Variants in ATP5PD observed in about 807,000 individuals in gnomAD.
The protein encoded by ATP5PD is ATP synthase peripheral stalk subunit d.
A neutral mutation model predicts 22.6 loss-of-function variants in ATP5PD; 13 were observed. That is an observed-to-expected ratio of 0.58 (90% CI 0.37 to 0.91). ATP5PD has a LOEUF of 0.91. ATP5PD is among the 40% of genes least tolerant of loss of function. ATP5PD has a pLI of 0.00. For synonymous variants in ATP5PD, 51 were observed against 65.0 expected, an observed-to-expected ratio of 0.79 and a Z score of 1.03; for missense variants, 165 against 188.0, an observed-to-expected ratio of 0.88 and a Z score of 0.72.
intron 3 of ATP5PD, 91 bp downstream of exon 3, chr17:75,042,090 G>T: frequency 9.0e-7 from 1 of 1,114,028 alleles, no homozygotes; most frequent in Non-Finnish European, 1.3e-6. Flanking sequence ...TAGGGATCTG[G>T]CTGTCATGCT....
chr17:75,042,494 G>C (rs373552679), intron 2 of ATP5PD, 35 bp downstream of exon 2: 25 of 1,595,986 alleles, frequency 1.6e-5, no homozygotes, highest in Non-Finnish European at 2.0e-5. Flanking sequence ...AGATTCAGTG[G>C]CAAGTATGGG....
intron 1 of ATP5PD, among the ~76,000 whole-genome samples, chr17:75,043,602 ACT>A (rs1470562947): frequency 3.7e-5 from 5 of 135,570 alleles, no homozygotes; most frequent in African/African-American, 1.5e-4. Context: ...ACAGAGTGAG[ACT>A]CTGTCTCAAA....
chr17:75,040,044 G>T (rs374481275), intron 4 of ATP5PD, 48 bp downstream of exon 4: 1 of 1,599,210 alleles, frequency 6.3e-7, no homozygotes, highest in Admixed American at 1.7e-5. Flanking sequence ...ATAGAGAGCT[G>T]TCAAGATCAA....
At chr17:75,039,646 A>C (rs754036751) in intron 4 of ATP5PD, 2 of 282,220 alleles carry the variant, frequency 7.1e-6, no homozygotes, top group Non-Finnish European at 1.3e-5. Flanking sequence ...CAGTGCTTTC[A>C]AGCAAATAAT....
intron 3 of ATP5PD, chr17:75,040,964 A>G (rs1018923982): frequency 2.6e-5 from 4 of 152,026 alleles, no homozygotes; most frequent in African/African-American, 9.7e-5. Context: ...CCCTCCATAC[A>G]CATCTTTGAA....
In ATP5PD at chr17:75,039,248, C is replaced by G. The variant is rs745452010; in HGVS notation, c.315G>C (p.Val105=). Residue 105 remains valine (V), a synonymous_variant, in exon 5 of 6, where the codon GTG becomes GTC. Transcript: ENST00000301587. ...KEDVKSCAEW[V]SLSKARIVEY... The stretch of plus-strand genomic sequence containing the variant: ...CTACAATCCTGGCCTTTGAGAGAGA[C>G]ACCCACTCAGCACAAGATTTCACCT... The G allele has an allele frequency of 6.2e-7, 1 of 1,614,158 alleles. No individual in the cohort carries two copies. The highest frequency in any genetic ancestry group is 1.1e-5 in the South Asian group (1 of 91,076).
intron 3 of ATP5PD, 167 bp from the exon 4 acceptor site, chr17:75,040,330 A>G: frequency 5.7e-6 from 4 of 705,508 alleles, no homozygotes; most frequent in African/African-American, 1.8e-5. Context: ...ACGCATCTCA[A>G]TACTGGAGTA....
At chr17:75,046,519 C>T (rs1002433252) in intron 1 of ATP5PD, among the ~76,000 whole-genome samples, 4 of 152,240 alleles carry the variant, frequency 2.6e-5, no homozygotes, top group Non-Finnish European at 5.9e-5. Context: ...ACGCTCTATA[C>T]GTTCGAATCC....
intron 3 of ATP5PD, 158 bp from the exon 4 acceptor site, chr17:75,040,321 C>G: frequency 3.9e-6 from 3 of 778,946 alleles, no homozygotes; most frequent in Non-Finnish European, 6.6e-6. Context: ...GAAACGAATA[C>G]GCATCTCAAT....
intron 4 of ATP5PD, 24 bp from the exon 5 acceptor site, chr17:75,039,295 G>A (rs1409025186): frequency 3.1e-6 from 5 of 1,611,138 alleles, no homozygotes; most frequent in African/African-American, 1.3e-5. Flanking sequence ...GAGAAATTCA[G>A]TTCTGAAACC....
intron 1 of ATP5PD, among the ~76,000 whole-genome samples, chr17:75,043,622 A>AC: frequency 6.6e-6 from 1 of 151,938 alleles, no homozygotes; most frequent in African/African-American, 2.4e-5. Context: ...AAAAAAAAAA[A>AC]AAAAAACAAA....
At chr17:75,046,771 G>A (rs560794148) in intron 1 of ATP5PD, among the ~76,000 whole-genome samples, 154 bp downstream of exon 1, 1 of 152,114 alleles carries the variant, frequency 6.6e-6, no homozygotes, top group South Asian at 2.1e-4. Flanking sequence ...GCGGGGCGAG[G>A]AGCGGCAGCT....
In ATP5PD at chr17:75,040,572, T is replaced by G. The variant is rs531381006; in HGVS notation, c.220-409A>C. The G allele has an allele frequency of 2.9e-5, 6 of 210,314 alleles. No homozygotes were observed. The East Asian group carries it at 8.2e-4, about 29-fold the overall frequency. 13.0% of individuals were successfully genotyped at this position (210,314 alleles called of 1,614,324 possible). A position where few individuals can be genotyped will look rare whatever the true frequency, so the allele number is the denominator to read the frequency against. The stretch of plus-strand genomic sequence containing the variant: ...GACTGGTGGAAGGAGCACTGCGTAA[T>G]GAATGGTCTCCTTAGAAGACTGCTT... On this transcript the variant is annotated intron_variant, in intron 3 of 5. Coordinates refer to ENST00000301587, the MANE Select transcript of ATP5PD (RefSeq NM_006356.3).
intron 3 of ATP5PD, 59 bp from the exon 4 acceptor site, chr17:75,040,222 G>A: frequency 1.9e-6 from 3 of 1,605,042 alleles, no homozygotes; most frequent in South Asian, 2.2e-5. Context: ...CAAGGACAGT[G>A]AGTCGTCGCC....
chr17:75,046,455 C>T (rs2073217595), intron 1 of ATP5PD, among the ~76,000 whole-genome samples: 1 of 152,204 alleles, frequency 6.6e-6, no homozygotes, highest in African/African-American at 2.4e-5. Flanking sequence ...ATAGGAGGTG[C>T]TCAATGAATC....
rs1370583347 is a variant in ATP5PD at position 75,042,574 on chromosome 17, G to C, written c.77C>G (p.Ala26Gly). 1 of 1,612,910 alleles carries C rather than the reference G, an allele frequency of 6.2e-7. No homozygotes were observed. Among genetic ancestry groups the C allele is most frequent in the Admixed American group, 1.7e-5 (1 of 59,984 alleles). Residue 26 changes from alanine (A) to glycine (G), a missense_variant, in exon 2 of 6, where the codon GCC becomes GGC. Ala to Gly is a moderately conservative substitution (Grantham distance 60). Transcript: ENST00000301587. ...CCAGGATTTCAGGGAACTAGCAATG[G>C]CCTTTTGGTTCTGGGGTATGATCTC... ...FAEIIPQNQK[A>G]IASSLKSWNE...
Position 75,038,899 on chromosome 17 carries a change from T to A in ATP5PD, c.*33A>T, listed in dbSNP as rs2073128439. On this transcript the variant is annotated 3_prime_UTR_variant, in exon 6 of 6. Transcript: ENST00000301587. ...TATTTTTAATGTCCAGAATGTGTAA[T>A]ACAAGGGCCAGAGCTTCCTCCTGGA... 1 of 1,599,224 alleles carries A rather than the reference T, an allele frequency of 6.3e-7. No individual in the cohort carries two copies. The highest frequency in any genetic ancestry group is 1.1e-5 in the South Asian group (1 of 88,740).
chr17:75,042,002 G>C (rs2073166217), intron 3 of ATP5PD, 179 bp downstream of exon 3: 1 of 563,790 alleles, frequency 1.8e-6, no homozygotes, highest in Non-Finnish European at 3.1e-6. Context: ...TGAATGAACA[G>C]AGCCTAAATT....
At chr17:75,039,492 C>G (rs763872558) in intron 4 of ATP5PD, 39 of 529,870 alleles carry the variant, frequency 7.4e-5, no homozygotes, top group Non-Finnish European at 1.1e-4. Context: ...TGGCAGCACC[C>G]GGCTGCTTCT....
Sources: allele counts gnomAD v4.1 joint callset (sites outside exome capture counted in the v4.1 genomes callset), GRCh38; gene constraint gnomAD v4.1.1; transcripts MANE v1.5; gene names NCBI Gene and HGNC (gene_info 2026-07-23, HGNC 2026-07-21).